The following EGFR variants were observed in gnomAD, a reference collection of about 807,000 sequenced individuals.
The protein encoded by EGFR is epidermal growth factor receptor.
In EGFR, 58 loss-of-function variants were observed where a neutral mutation model predicts 143.0. The ratio of observed to expected loss-of-function variants is 0.41; its 90% CI spans 0.33 to 0.50. The LOEUF (loss-of-function observed/expected upper bound fraction) is 0.50, where lower values mean the gene tolerates loss of function less well. Ranked by LOEUF, EGFR falls within the 20% of genes least tolerant of loss-of-function variation. The pLI is 0.39. For synonymous variants in EGFR, 613 were observed against 594.4 expected (o/e 1.03, Z -0.45); for missense variants, 1,307 against 1,579.0 (o/e 0.83, Z 2.92).
At chr7:55,149,239 A>C (rs1397863000) in intron 4 of EGFR, among the ~76,000 whole-genome samples, 1 of 152,158 alleles carries the variant, frequency 6.6e-6, no homozygotes, top group Admixed American at 6.6e-5. Flanking sequence ...AAGAGGGTTA[A>C]TATCCTTGCT....
intron 11 of EGFR, among the ~76,000 whole-genome samples, chr7:55,158,724 G>C (rs998526038): frequency 6.6e-6 from 1 of 152,214 alleles, no homozygotes; most frequent in African/African-American, 2.4e-5. Flanking sequence ...TACTGAGACA[G>C]GGTGGCCACA....
At chr7:55,055,746 A>C (rs1478665539) in intron 1 of EGFR, among the ~76,000 whole-genome samples, 1 of 151,522 alleles carries the variant, frequency 6.6e-6, no homozygotes, top group Non-Finnish European at 1.5e-5. Flanking sequence ...CACACCACAC[A>C]CACCAGGGTC....
intron 1 of EGFR, among the ~76,000 whole-genome samples, chr7:55,112,715 A>G (rs1405346202): frequency 1.3e-5 from 2 of 152,176 alleles, no homozygotes; most frequent in Admixed American, 1.3e-4. Flanking sequence ...GCCCTGTGAT[A>G]CCAAGGCAGT....
At chr7:55,028,270 T>C (rs1292290244) in intron 1 of EGFR, among the ~76,000 whole-genome samples, 1 of 152,180 alleles carries the variant, frequency 6.6e-6, no homozygotes, top group Admixed American at 6.5e-5. Context: ...TTGGATAAAA[T>C]TGATGCATTG....
intron 27 of EGFR, among the ~76,000 whole-genome samples, chr7:55,203,857 T>C (rs1034898411): frequency 6.6e-6 from 1 of 151,572 alleles, no homozygotes; most frequent in African/African-American, 2.4e-5. Flanking sequence ...TATATGTTGA[T>C]GTAATATCTA....
chr7:55,173,897 T>C (rs754843361), intron 17 of EGFR, 24 bp from the exon 18 acceptor site: 8 of 1,614,100 alleles, frequency 5.0e-6, no homozygotes, highest in Non-Finnish European at 6.8e-6. Flanking sequence ...GTGACCCTTG[T>C]CTCTGTGTTC....
Position 55,157,706 on chromosome 7 carries a change from C to T in EGFR, c.1251C>T (p.Leu417=), listed in dbSNP as rs767070097. 7 of 1,614,100 alleles carry T rather than the reference C, an allele frequency of 4.3e-6. No individual in the cohort carries two copies. In the African/African-American group the frequency reaches 9.3e-5, roughly 22 times the overall value. The change falls in exon 11 of 28, where the codon CTC becomes CTT. Residue 417 remains leucine, a synonymous_variant. Transcript: ENST00000275493. ...IQAWPENRTD[L]HAFENLEIIR... is the part of the protein sequence containing the mutation. ...CTTGGCCTGAAAACAGGACGGACCT[C>T]CATGCCTTTGAGAACCTAGAAATCA...
intron 1 of EGFR, among the ~76,000 whole-genome samples, chr7:55,060,465 T>A (rs1789100817): frequency 6.6e-6 from 1 of 152,232 alleles, no homozygotes; most frequent in Non-Finnish European, 1.5e-5. Context: ...TAAGAAAGTA[T>A]AATGAGGCAA....
chr7:55,043,111 C>T (rs1297181169), intron 1 of EGFR, among the ~76,000 whole-genome samples: 6 of 152,172 alleles, frequency 3.9e-5, no homozygotes, highest in East Asian at 1.9e-4. Context: ...TTGATGAGAT[C>T]GGGCGCGTTC....
rs1347872046 is a variant in EGFR at position 55,206,790 on chromosome 7, TC to T, written c.*1174del. On this transcript the variant is annotated 3_prime_UTR_variant, in exon 28 of 28. Coordinates refer to ENST00000275493, the MANE Select transcript of EGFR (RefSeq NM_005228.5). ...CCCCAAACCCCCTCCTTACGCTTTG[TC>T]ACACAAAAAGTGTCTCTGCCTTGAG... 1 of 233,374 alleles carries T rather than the reference TC, an allele frequency of 4.3e-6. No homozygotes were observed. The highest frequency in any genetic ancestry group is 8.5e-6 in the Non-Finnish European group (1 of 118,150). 14.5% of individuals were successfully genotyped at this position (233,374 alleles called of 1,614,324 possible).
chr7:55,053,227 G>A (rs1307351937), intron 1 of EGFR, among the ~76,000 whole-genome samples: 1 of 152,148 alleles, frequency 6.6e-6, no homozygotes, highest in African/African-American at 2.4e-5. Context: ...AAACCCCTGT[G>A]GTTTCTTGAC....
chr7:55,157,187 G>A (rs1032736438), intron 10 of EGFR, among the ~76,000 whole-genome samples: 1 of 152,244 alleles, frequency 6.6e-6, no homozygotes, highest in African/African-American at 2.4e-5. Flanking sequence ...GCCTTGTGGG[G>A]CCACGGGCAA....
intron 4 of EGFR, 114 bp from the exon 5 acceptor site, chr7:55,151,180 A>G: frequency 1.9e-6 from 2 of 1,044,288 alleles, no homozygotes; most frequent in Non-Finnish European, 1.5e-6. Flanking sequence ...ATCAGAGAAT[A>G]AGTTGAAAAG....
At chr7:55,033,442 G>C (rs952229826) in intron 1 of EGFR, among the ~76,000 whole-genome samples, 10 of 152,186 alleles carry the variant, frequency 6.6e-5, no homozygotes, top group African/African-American at 2.2e-4. Flanking sequence ...GACTGCAGGG[G>C]ATGCTGGCCA....
At chr7:55,190,280 G>A (rs1787330778) in intron 20 of EGFR, among the ~76,000 whole-genome samples, 1 of 152,096 alleles carries the variant, frequency 6.6e-6, no homozygotes, top group African/African-American at 2.4e-5. Context: ...GCTCTCGGCA[G>A]TGCAGGGTGA....
intron 5 of EGFR, among the ~76,000 whole-genome samples, chr7:55,151,868 C>T (rs371139958): frequency 7.1e-6 from 1 of 141,024 alleles, no homozygotes; most frequent in African/African-American, 2.7e-5. Context: ...AGCGAGACTC[C>T]GTCTCAAAAC....
chr7:55,065,538 A>G (rs1195487971), intron 1 of EGFR, among the ~76,000 whole-genome samples: 1 of 152,254 alleles, frequency 6.6e-6, no homozygotes, highest in Non-Finnish European at 1.5e-5. Context: ...ACTGACAGCC[A>G]GTTTCCCATT....
intron 16 of EGFR, among the ~76,000 whole-genome samples, chr7:55,171,814 A>T (rs1040430750): frequency 3.3e-5 from 5 of 152,156 alleles, no homozygotes; most frequent in African/African-American, 1.2e-4. Context: ...GGAATCATGG[A>T]ATTATACACC....
At chr7:55,172,262 G>A (rs1206546480) in intron 16 of EGFR, among the ~76,000 whole-genome samples, 1 of 152,184 alleles carries the variant, frequency 6.6e-6, no homozygotes, top group Admixed American at 6.5e-5. Flanking sequence ...GCGCTCCATA[G>A]CAAATGATTC....
Sources: gnomAD v4.1 joint callset for allele counts (sites outside exome capture counted in the v4.1 genomes callset) on GRCh38, gnomAD v4.1.1 for gene constraint, MANE v1.5 for transcripts, NCBI Gene and HGNC (gene_info 2026-07-23, HGNC 2026-07-21) for gene names.